The following GPHN variants were observed in gnomAD, a reference collection of about 807,000 sequenced individuals.
The protein encoded by GPHN is gephyrin.
Under a neutral mutation model 95.5 loss-of-function variants are expected in GPHN, and 17 were observed. The ratio of observed to expected loss-of-function variants is 0.18; its 90% CI spans 0.12 to 0.27. The LOEUF is 0.27. Among genes scored for constraint, GPHN ranks in the 10% least tolerant of loss-of-function variants. The pLI is 1.00. For missense variants in GPHN, 660 were observed against 978.1 expected, an observed-to-expected ratio of 0.67 and a Z score of 4.34; for synonymous variants, 320 against 322.5, an observed-to-expected ratio of 0.99 and a Z score of 0.08.
the GPHN span, chr14:67,649,263 T>G: frequency 6.6e-6 from 1 of 152,176 alleles, no homozygotes; most frequent in Non-Finnish European, 1.5e-5. Context: ...GGTTCATACC[T>G]ATAATCCCAG....
At chr14:66,542,867 A>C (rs765389400) in intron 1 of GPHN, among the ~76,000 whole-genome samples, 1 of 152,222 alleles carries the variant, frequency 6.6e-6, no homozygotes, top group Non-Finnish European at 1.5e-5. Context: ...TCGCATTGCT[A>C]TAAAGAAATG....
At chr14:67,505,887 A>T in the GPHN span, among the ~76,000 whole-genome samples, 2 of 152,218 alleles carry the variant, frequency 1.3e-5, no homozygotes, top group Non-Finnish European at 2.9e-5. Context: ...TTTAGTAGCG[A>T]CAGGGTTTCC....
the GPHN span, among the ~76,000 whole-genome samples, chr14:67,217,167 C>CTT: frequency 2.0e-4 from 30 of 149,018 alleles, no homozygotes; most frequent in African/African-American, 5.4e-4. Context: ...CTTTCTTCAT[C>CTT]TTTTTTTTTT....
At chr14:67,095,667 A>C (rs2077337449) in intron 12 of GPHN, among the ~76,000 whole-genome samples, 1 of 152,152 alleles carries the variant, frequency 6.6e-6, no homozygotes, top group African/African-American at 2.4e-5. Context: ...TTCTCAGTAA[A>C]CTATCGCAAG....
the GPHN span, among the ~76,000 whole-genome samples, chr14:67,437,848 G>A: frequency 6.6e-6 from 1 of 152,126 alleles, no homozygotes; most frequent in Non-Finnish European, 1.5e-5. Context: ...AAGAAGGGGG[G>A]TTGGGAGGAG....
the GPHN span, among the ~76,000 whole-genome samples, chr14:67,193,304 A>G: frequency 7.7e-6 from 1 of 130,582 alleles, no homozygotes; most frequent in Non-Finnish European, 1.7e-5. Context: ...CTATCTATAT[A>G]TCTCTATATA....
the GPHN span, among the ~76,000 whole-genome samples, chr14:67,512,892 T>C: frequency 4.6e-5 from 7 of 152,196 alleles, no homozygotes; most frequent in Admixed American, 6.5e-5. Context: ...ACTACACTTT[T>C]AAAACCAACA....
intron 21 of GPHN, among the ~76,000 whole-genome samples, chr14:67,177,881 T>C (rs1366176849): frequency 4.0e-4 from 61 of 152,192 alleles, no homozygotes; most frequent in Non-Finnish European, 7.3e-5. Context: ...GAGACTAGGA[T>C]TGCAACCCCT....
the GPHN span, among the ~76,000 whole-genome samples, chr14:67,379,179 G>T: frequency 2.0e-5 from 3 of 152,166 alleles, no homozygotes; most frequent in Non-Finnish European, 2.9e-5. Flanking sequence ...AATAGTGTAT[G>T]TGTCTCTATA....
chr14:66,910,828 C>G (rs192418997), intron 5 of GPHN, among the ~76,000 whole-genome samples: 1 of 152,034 alleles, frequency 6.6e-6, no homozygotes, highest in African/African-American at 2.4e-5. Flanking sequence ...CAACTGAAGT[C>G]AGTTTACTGC....
At chr14:67,455,096 C>G in the GPHN span, among the ~76,000 whole-genome samples, 5 of 152,164 alleles carry the variant, frequency 3.3e-5, no homozygotes, top group Admixed American at 3.3e-4. Flanking sequence ...CTGATCCACC[C>G]GCCTTGGCCT....
Position 66,535,474 on chromosome 14 carries a change from T to A in GPHN, c.64+26883T>A, listed in dbSNP as rs149193682. ...TCTATCCTTTGTGTTTCCATATACA[T>A]TTAGAATCATATTTCAGTGAAAACA... On this transcript the variant is annotated intron_variant, in intron 1 of 22. Coordinates refer to ENST00000478722, the MANE Select transcript of GPHN (RefSeq NM_020806.5). Among the ~76,000 whole-genome samples the A allele has an allele frequency of 3.0e-3, 451 of 152,236 alleles. 8 individuals are homozygous for A. Among genetic ancestry groups the A allele is most frequent in the African/African-American group, 0.01 (427 of 41,554 alleles).
intron 6 of GPHN, among the ~76,000 whole-genome samples, chr14:66,917,903 G>A (rs1208004613): frequency 6.6e-6 from 1 of 152,158 alleles, no homozygotes; most frequent in East Asian, 1.9e-4. Flanking sequence ...ATTTCAGTGA[G>A]TCAGGGTCTT....
At chr14:67,708,360 GT>G in the GPHN span, among the ~76,000 whole-genome samples, 1 of 152,156 alleles carries the variant, frequency 6.6e-6, no homozygotes, top group Admixed American at 6.5e-5. Flanking sequence ...AGTCCTGAAA[GT>G]TTTTTCCTCT....
chr14:67,144,287 A>G (rs1444999974), intron 18 of GPHN, among the ~76,000 whole-genome samples: 1 of 113,310 alleles, frequency 8.8e-6, no homozygotes, highest in Non-Finnish European at 1.8e-5. Context: ...ATATATATAT[A>G]CACACACACA....
At chr14:67,541,967 A>C in the GPHN span, 2 of 1,607,412 alleles carry the variant, frequency 1.2e-6, no homozygotes, top group African/African-American at 2.7e-5. Context: ...ACAGGCCAGC[A>C]AGATAAGGGA....
At chr14:67,138,104 T>C (rs1415800753) in intron 17 of GPHN, among the ~76,000 whole-genome samples, 1 of 152,178 alleles carries the variant, frequency 6.6e-6, no homozygotes, top group African/African-American at 2.4e-5. Context: ...TAACAAAGTG[T>C]CTTTCATAAT....
At chr14:67,347,362 C>G in the GPHN span, 1 of 1,472,510 alleles carries the variant, frequency 6.8e-7, no homozygotes, top group South Asian at 1.2e-5. Context: ...AAAGAGGAAA[C>G]AGGAAATCCC....
At chr14:67,374,743 T>C in the GPHN span, 1 of 400,532 alleles carries the variant, frequency 2.5e-6, no homozygotes, top group Non-Finnish European at 4.5e-6. Flanking sequence ...TTGTTTACAG[T>C]TGGAATGCCT....
Sources: gnomAD v4.1 joint callset for allele counts (sites outside exome capture counted in the v4.1 genomes callset) on GRCh38, gnomAD v4.1.1 for gene constraint, MANE v1.5 for transcripts, NCBI Gene and HGNC (gene_info 2026-07-23, HGNC 2026-07-21) for gene names.